ABCA7: variants seen among roughly 807,000 people sequenced by gnomAD.
ABCA7 encodes phospholipid-transporting ATPase ABCA7.
In ABCA7, 261 loss-of-function variants were observed where a neutral mutation model predicts 227.6. The observed-to-expected ratio is 1.15, with a 90% CI of 1.04 to 1.27. The LOEUF is 1.27. Among genes scored for constraint, ABCA7 ranks in the 50% most tolerant of loss-of-function variants. ABCA7 has a pLI of 0.00. For synonymous variants in ABCA7, 1,488 were observed against 1,279.7 expected, an observed-to-expected ratio of 1.16 and a Z score of -3.47; for missense variants, 3,331 against 2,924.5, an observed-to-expected ratio of 1.14 and a Z score of -3.21.
In ABCA7 at chr19:1,044,633, C is replaced by T; in HGVS notation, c.1104C>T (p.Asp368=). 2 of 1,613,254 alleles carry T rather than the reference C, an allele frequency of 1.2e-6. No homozygotes were observed. The highest frequency in any genetic ancestry group is 1.7e-6 in the Non-Finnish European group (2 of 1,179,970). Residue 368 remains aspartate, a synonymous_variant, in exon 11 of 47, where the codon GAC becomes GAT. Coordinates refer to ENST00000263094, the MANE Select transcript of ABCA7 (RefSeq NM_019112.4). ...GRRQPRPGGR[D]HMEALRSFLD... is the part of the protein sequence containing the mutation. ...GGCAGCCCAGACCTGGAGGCCGGGA[C>T]CACATGGAGGCCCTGCGATCCTTTC...
chr19:1,062,925 A>T (rs1410274646), intron 42 of ABCA7, among the ~76,000 whole-genome samples: 1 of 135,730 alleles, frequency 7.4e-6, no homozygotes, highest in Non-Finnish European at 1.6e-5. Flanking sequence ...CCCCATACTC[A>T]TGCTGGCTCC....
intron 6 of ABCA7, 53 bp from the exon 7 acceptor site, chr19:1,042,693 G>T (rs774775054): frequency 6.4e-7 from 1 of 1,560,692 alleles, no homozygotes; most frequent in South Asian, 1.1e-5. Context: ...CAGAGCGCTG[G>T]ACCCCTAGTG....
In ABCA7 at chr19:1,046,923, C is replaced by T. The variant is rs764745232; in HGVS notation, c.1744C>T (p.Arg582Cys). The T allele has an allele frequency of 5.8e-6, 9 of 1,557,316 alleles. No individual in the cohort carries two copies. Among genetic ancestry groups the T allele is most frequent in the Non-Finnish European group, 7.8e-6 (9 of 1,160,366 alleles). The change falls in exon 14 of 47, where the codon CGC (arginine) becomes TGC (cysteine). Residue 582 changes from arginine (R) to cysteine (C), a missense_variant. Coordinates refer to ENST00000263094, the MANE Select transcript of ABCA7 (RefSeq NM_019112.4). Reference protein sequence around the residue: ...EKETRLRDTMRAMGLSRAVLW... With the variant: ...EKETRLRDTMCAMGLSRAVLW... ...GGAGACGCGGCTGCGGGACACCATG[C>T]GCGCCATGGGGCTCAGCCGCGCGGT...
chr19:1,065,118 G>T lies in ABCA7; in HGVS notation c.6232G>T (p.Gly2078Cys). 6.3e-7 allele frequency: 1 copy of T among 1,586,644 alleles called. No individual in the cohort carries two copies. The highest frequency in any genetic ancestry group is 2.3e-5 in the East Asian group (1 of 43,566). The change falls in exon 46 of 47, where the codon GGC becomes TGC. Residue 2078 changes from glycine (G) to cysteine (C), a missense_variant. Transcript: ENST00000263094. ...ARVFGELAVHGAEHGVEDFSV... is the reference protein window; with the variant it reads ...ARVFGELAVHCAEHGVEDFSV... ...CGTCTTTGGAGAGCTGGCGGTGCAC[G>T]GCGCAGAGCACGGCGTGGAGGACTT... is the stretch of plus-strand genomic sequence containing the variant.
intron 9 of ABCA7, 70 bp from the exon 10 acceptor site, chr19:1,043,655 A>AGGGGGCAGGGG: frequency 7.1e-7 from 1 of 1,416,366 alleles, no homozygotes; most frequent in Non-Finnish European, 9.8e-7. Context: ...AGCAAGGCAG[A>AGGGGGCAGGGG]GGGGGCAGGG....
intron 12 of ABCA7, chr19:1,045,558 T>G: frequency 3.1e-6 from 1 of 326,886 alleles, no homozygotes; most frequent in Non-Finnish European, 5.7e-6. Context: ...CTGAGCGCAG[T>G]AGATCTTGCC....
In ABCA7 at chr19:1,051,036, A is replaced by C. The variant is rs1268855161; in HGVS notation, c.2668A>C (p.Asn890His). ...RPHLGVCPQY[N>H]VLFDMLTVDE... ...CCACCTGGGCGTCTGTCCTCAGTAC[A>C]ACGTGCTGTTTGACATGTGCGTCTC... Residue 890 changes from asparagine to histidine, a missense_variant, in exon 19 of 47, where the codon AAC (asparagine) becomes CAC (histidine). Physicochemically the swap from Asn to His is moderately conservative, Grantham distance 68. Transcript: ENST00000263094. 6.2e-7 allele frequency: 1 copy of C among 1,611,490 alleles called. No homozygotes were observed. Among genetic ancestry groups the C allele is most frequent in the Non-Finnish European group, 8.5e-7 (1 of 1,179,218 alleles).
At chr19:1,058,994 A>G (rs1220581101) in intron 39 of ABCA7, 29 bp from the exon 40 acceptor site, 2 of 1,613,502 alleles carry the variant, frequency 1.2e-6, no homozygotes, top group African/African-American at 1.3e-5. Context: ...TGGCCCACTC[A>G]CCTTTCTGAA....
At chr19:1,042,451 G>A (rs1203331383) in intron 6 of ABCA7, 54 bp downstream of exon 6, 5 of 1,600,620 alleles carry the variant, frequency 3.1e-6, no homozygotes, top group African/African-American at 1.3e-5. Context: ...CACTGGGGAT[G>A]TCCTGGCACT....
At chr19:1,043,543 G>A in intron 9 of ABCA7, 70 bp downstream of exon 9, 1 of 1,608,106 alleles carries the variant, frequency 6.2e-7, no homozygotes, top group Non-Finnish European at 8.5e-7. Flanking sequence ...CAGTCCAGGT[G>A]GGCCAGGGCC....
chr19:1,062,415 C>A, intron 42 of ABCA7, 102 bp downstream of exon 42: 2 of 1,514,596 alleles, frequency 1.3e-6, no homozygotes, highest in Non-Finnish European at 1.8e-6. Context: ...CGCCTTGGCT[C>A]CATCCCTGTC....
Position 1,050,856 on chromosome 19 carries a change from T to C in ABCA7, c.2553-65T>C, listed in dbSNP as rs1250986778. 1.7e-5 allele frequency: 22 copies of C among 1,266,736 alleles called. 1 individual carries two copies. Among genetic ancestry groups the C allele is most frequent in the Admixed American group, 3.0e-5 (1 of 33,108 alleles). The allele number at this position is 1,266,736 out of a possible 1,614,324, so 78.5% of individuals were successfully genotyped here. A position where few individuals can be genotyped will look rare whatever the true frequency, so the allele number is the denominator to read the frequency against. ...ATTTTTTAAAAACAGAAATTAAAAA[T>C]AGAAGCTCTGTAACTGCCAGTGCAC... On this transcript the variant is annotated intron_variant, in intron 18 of 46. Transcript: ENST00000263094.
At chr19:1,051,688 AC>A (rs2041645018) in intron 21 of ABCA7, 102 bp downstream of exon 21, 1 of 1,214,942 alleles carries the variant, frequency 8.2e-7, no homozygotes, top group Non-Finnish European at 1.1e-6. Flanking sequence ...CTACATGTGG[AC>A]CCCACTTGTT....
chr19:1,042,619 A>C, intron 6 of ABCA7, 127 bp from the exon 7 acceptor site: 1 of 1,128,674 alleles, frequency 8.9e-7, no homozygotes, highest in Non-Finnish European at 1.3e-6. Context: ...TTTGCCTCTC[A>C]GAGCCTCAGT....
rs982011572 is a variant in ABCA7, at chr19:1,064,067, C to A, written c.5952-94C>A. ...GGGAAGAGTGGGGAGATGTCCACAC[C>A]AGAAGGGTGGCCCAGGCCGGGGGAA... is the stretch of plus-strand genomic sequence containing the variant. On this transcript the variant is annotated intron_variant, in intron 44 of 46. Coordinates refer to ENST00000263094, the MANE Select transcript of ABCA7 (RefSeq NM_019112.4). 751 of 1,401,312 alleles carry A rather than the reference C, an allele frequency of 5.4e-4. 10 individuals carry two copies. Among genetic ancestry groups the A allele is most frequent in the Non-Finnish European group, 1.1e-4 (115 of 1,043,466 alleles). The allele number at this position is 1,401,312 out of a possible 1,614,324, so 86.8% of individuals were successfully genotyped here.
At position 1,043,162 on chromosome 19, in the gene ABCA7, TG is replaced by T; in HGVS notation, c.704del (p.Gly235AlafsTer12). 1.2e-6 allele frequency: 2 copies of T among 1,611,708 alleles called. No homozygotes were observed. On this transcript the variant is annotated frameshift_variant, in exon 8 of 47. Transcript: ENST00000263094. LOFTEE classifies it high-confidence loss of function. ...AGTGTCAGGGGACCTAGCAGCACAG[TG>T]GGCCCCTCCCTCAACTGGTACGAGG... Reference protein sequence around the residue: ...LCSVRGPSSTVGPSLNWYEAS... With the variant: ...LCSVRGPSSTXGPSLNWYEAS...
In ABCA7 at chr19:1,056,180, C is replaced by T. The variant is rs745751918; in HGVS notation, c.4353C>T (p.Leu1451=). Residue 1451 remains leucine, a synonymous_variant, in exon 32 of 47, where the codon CTC becomes CTT. Coordinates refer to ENST00000263094, the MANE Select transcript of ABCA7 (RefSeq NM_019112.4). This position sits in a 1 kb window ranked among gnomAD's most constrained non-coding sequence, Gnocchi z 4.3. The part of the protein sequence containing the change: ...ALLSPLPGGA[L]DRVLKNLTAW... ...TGAGTCCCCTGCCTGGCGGGGCCCT[C>T]GACCGTGTCCTGAAAAACCTCACAG... The T allele has an allele frequency of 2.5e-5, 40 of 1,607,192 alleles. No individual in the cohort carries two copies. Among genetic ancestry groups the T allele is most frequent in the Middle Eastern group, 1.6e-4 (1 of 6,076 alleles).
rs1218873869 is a variant in ABCA7 at position 1,065,457 on chromosome 19, C to T, written c.*32C>T. On this transcript the variant is annotated 3_prime_UTR_variant, in exon 47 of 47. Coordinates refer to ENST00000263094, the MANE Select transcript of ABCA7 (RefSeq NM_019112.4). The stretch of plus-strand genomic sequence containing the variant: ...CTCCCCTGCGGGGCCGCGGGGAGGC[C>T]CTGGGAATGGCAAGGGCAAGGTAGA... 6 of 1,609,886 alleles carry T rather than the reference C, an allele frequency of 3.7e-6. No individual in the cohort carries two copies. Among genetic ancestry groups the T allele is most frequent in the African/African-American group, 1.3e-5 (1 of 74,886 alleles).
chr19:1,056,418 G>T lies in ABCA7; in HGVS notation c.4505G>T (p.Gly1502Val), dbSNP rs149824618. The T allele has an allele frequency of 5.3e-5, 86 of 1,613,208 alleles. No homozygotes were observed. The African/African-American group carries it at 1.0e-3, about 19-fold the overall frequency. The stretch of plus-strand genomic sequence containing the variant: ...ATCCTCCGTGCTCACCTGCCCCCAG[G>T]CCCGGCCCGCCACGCCCACAGCATC... ...NAILRAHLPPGPARHAHSITT... is the reference protein window; with the variant it reads ...NAILRAHLPPVPARHAHSITT... The change falls in exon 33 of 47, where the codon GGC (glycine) becomes GTC (valine). Residue 1502 changes from glycine to valine, a missense_variant. Physicochemically the swap from Gly to Val is moderately radical, Grantham distance 109 (BLOSUM62 -3). Coordinates refer to ENST00000263094, the MANE Select transcript of ABCA7 (RefSeq NM_019112.4). This position sits in a 1 kb window ranked among gnomAD's most constrained non-coding sequence, Gnocchi z 4.3.
Sources: allele counts gnomAD v4.1 joint callset (sites outside exome capture counted in the v4.1 genomes callset), GRCh38; gene constraint gnomAD v4.1.1; non-coding constraint Gnocchi (gnomAD v3.1); transcripts MANE v1.5; gene names NCBI Gene and HGNC (gene_info 2026-07-23, HGNC 2026-07-21).